ACTA2: variants seen among roughly 807,000 people sequenced by gnomAD.
ACTA2 encodes the protein actin alpha 2, smooth muscle.
Under a neutral mutation model 39.5 loss-of-function variants are expected in ACTA2, and 12 were observed. That is an observed-to-expected ratio of 0.30 (90% CI 0.19 to 0.49). The LOEUF (loss-of-function observed/expected upper bound fraction) is 0.49. Among genes scored for constraint, ACTA2 ranks in the 20% least tolerant of loss-of-function variants. The probability of loss-of-function intolerance (pLI) is 0.99; values close to 1 mark genes in which losing one functional copy is unlikely to be tolerated. For missense variants in ACTA2, 236 were observed against 498.8 expected (o/e 0.47, Z 5.02); for synonymous variants, 158 against 180.6 (o/e 0.88, Z 1.00).
chr10:88,981,771 T>C (rs1846719129), intron 1 of ACTA2, among the ~76,000 whole-genome samples: 1 of 152,184 alleles, frequency 6.6e-6, no homozygotes, highest in Admixed American at 6.5e-5. Context: ...TGTTTCAGTC[T>C]GTGCTCGTGG....
rs747320973 is a variant in ACTA2, at chr10:88,990,498, CT to C, written c.-24+440del. On this transcript the variant is annotated intron_variant, in intron 1 of 4. Transcript: ENST00000415557. The surrounding 1 kb of genome is among the most constrained non-coding windows in gnomAD (Gnocchi z 4.9). ...GGAATGCCCATTTGTGCAACGAACC[CT>C]GACTCCTTCCTCACCCTGACTTCTC... The C allele has an allele frequency of 3.5e-6, 2 of 576,802 alleles. No homozygotes were observed. The highest frequency in any genetic ancestry group is 6.6e-6 in the Non-Finnish European group (2 of 304,898). 35.7% of individuals were successfully genotyped at this position (576,802 alleles called of 1,614,324 possible). A position where few individuals can be genotyped will look rare whatever the true frequency, so the allele number is the denominator to read the frequency against.
At chr10:88,989,508 C>T (rs750180876) in intron 1 of ACTA2, 4 of 544,332 alleles carry the variant, frequency 7.3e-6, no homozygotes, top group Non-Finnish European at 1.5e-5. Flanking sequence ...CGCCCAGGGT[C>T]TTCCTCATGG....
At chr10:88,987,402 G>C (rs1271417609) in intron 1 of ACTA2, among the ~76,000 whole-genome samples, 1 of 152,122 alleles carries the variant, frequency 6.6e-6, no homozygotes, top group Non-Finnish European at 1.5e-5. Context: ...GGTGGTCCAG[G>C]GTTCAATTTC....
At chr10:88,939,793 T>A (rs1276572991) in intron 6 of ACTA2, 95 bp from the exon 7 acceptor site, 13 of 1,319,626 alleles carry the variant, frequency 9.9e-6, no homozygotes, top group African/African-American at 1.4e-5. Context: ...TCAAGACATG[T>A]GCCATCAAAA....
At chr10:88,940,940 T>G (rs1417258905) in intron 6 of ACTA2, 1 of 386,918 alleles carries the variant, frequency 2.6e-6, no homozygotes, top group African/African-American at 2.1e-5. Context: ...CTTCAGTCTC[T>G]GCACAATCTT....
chr10:88,939,655 A>G lies in ACTA2; in HGVS notation c.660T>C (p.Tyr220=), dbSNP rs1845812242. The change falls in exon 7 of 9, where the codon TAT becomes TAC. Residue 220 remains tyrosine, a synonymous_variant. Transcript: ENST00000224784. ...TCTCATTTTCAAAGTCCAGAGCTACATAACACAGTTTCTCCTTGATGTCCC... is the reference window on the plus strand; with the variant it reads ...TCTCATTTTCAAAGTCCAGAGCTACGTAACACAGTTTCTCCTTGATGTCCC... The part of the protein sequence containing the change: ...IVRDIKEKLC[Y]VALDFENEMA... 6.2e-7 allele frequency: 1 copy of G among 1,614,072 alleles called. No homozygotes were observed.
At chr10:88,938,462 T>C (rs888039906) in intron 7 of ACTA2, 10 of 571,202 alleles carry the variant, frequency 1.8e-5, no homozygotes, top group South Asian at 9.8e-5. Flanking sequence ...CATCCTGAGG[T>C]GTGGGCTACA....
At chr10:88,975,318 C>T (rs1379447118) in intron 1 of ACTA2, among the ~76,000 whole-genome samples, 1 of 152,110 alleles carries the variant, frequency 6.6e-6, no homozygotes, top group Non-Finnish European at 1.5e-5. Flanking sequence ...TACAGAGCAG[C>T]GTGTGCATTT....
At chr10:88,943,644 T>C in intron 4 of ACTA2, 153 bp downstream of exon 4, 1 of 720,640 alleles carries the variant, frequency 1.4e-6, no homozygotes, top group Admixed American at 2.0e-5. Flanking sequence ...TTTCAAGCTG[T>C]TCCTGTCCTT....
chr10:88,956,292 A>C (rs1056874485), upstream of ACTA2, among the ~76,000 whole-genome samples: 1 of 152,174 alleles, frequency 6.6e-6, no homozygotes, highest in Admixed American at 6.5e-5. Flanking sequence ...TCCTTCTGGA[A>C]GCTCTTGTGG....
At chr10:88,988,331 A>G (rs1451223566) in intron 1 of ACTA2, among the ~76,000 whole-genome samples, 1 of 152,200 alleles carries the variant, frequency 6.6e-6, no homozygotes, top group Non-Finnish European at 1.5e-5. Context: ...GCAATTTAGT[A>G]AAAACAATTT....
In ACTA2 at chr10:88,941,307, G is replaced by C; in HGVS notation, c.538C>G (p.Leu180Val). The change falls in exon 6 of 9, where the codon CTG becomes GTG. Residue 180 changes from leucine (L) to valine (V), a missense_variant. Coordinates refer to ENST00000224784, the MANE Select transcript of ACTA2 (RefSeq NM_001613.4). The stretch of plus-strand genomic sequence containing the variant: ...GTGAGATCTCGGCCAGCCAGATCCA[G>C]ACGCATGATGGCATGGGGCAAGGCA... ...GYALPHAIMR[L>V]DLAGRDLTDY... 6.2e-7 allele frequency: 1 copy of C among 1,609,518 alleles called. No individual in the cohort carries two copies. The highest frequency in any genetic ancestry group is 8.5e-7 in the Non-Finnish European group (1 of 1,178,274).
intron 1 of ACTA2, chr10:88,974,239 G>C (rs530642182): frequency 6.7e-6 from 1 of 150,184 alleles, no homozygotes; most frequent in South Asian, 2.1e-4. Context: ...CATTTGGCTT[G>C]ACTCTTTGGT....
At chr10:88,976,188 A>C (rs1846558586) in intron 1 of ACTA2, among the ~76,000 whole-genome samples, 1 of 152,128 alleles carries the variant, frequency 6.6e-6, no homozygotes, top group South Asian at 2.1e-4. Context: ...ACTAACACTA[A>C]CTATAGCTGA....
At chr10:88,974,296 A>C (rs907758560) in intron 1 of ACTA2, 26 of 152,194 alleles carry the variant, frequency 1.7e-4, no homozygotes, top group African/African-American at 5.8e-4. Flanking sequence ...TGGTGAACCA[A>C]TGCCAAATAG....
At chr10:88,983,680 T>A (rs1187594202) in intron 1 of ACTA2, among the ~76,000 whole-genome samples, 2 of 144,052 alleles carry the variant, frequency 1.4e-5, no homozygotes, top group African/African-American at 5.2e-5. Context: ...GGACATTATA[T>A]AAGCATTAGA....
Position 88,948,756 on chromosome 10 carries a change from G to T in ACTA2, c.129+46C>A, listed in dbSNP as rs1311692863. On this transcript the variant is annotated intron_variant, in intron 2 of 8. Transcript: ENST00000224784. ...TCTGGGGATAAACATGAACACAGAG[G>T]AACCTAATCTGTGTCCTGTTATGTT... 5 of 1,611,912 alleles carry T rather than the reference G, an allele frequency of 3.1e-6. No individual in the cohort carries two copies. The African/African-American group carries it at 5.3e-5, about 17-fold the overall frequency.
chr10:88,938,357 A>T lies in ACTA2; in HGVS notation c.809-115T>A, dbSNP rs1845784797. 2.5e-6 allele frequency: 3 copies of T among 1,180,892 alleles called. No homozygotes were observed. The Admixed American group carries it at 5.2e-5, about 20-fold the overall frequency. The allele number at this position is 1,180,892 out of a possible 1,614,324, so 73.2% of individuals were successfully genotyped here. On this transcript the variant is annotated intron_variant, in intron 7 of 8. Coordinates refer to ENST00000224784, the MANE Select transcript of ACTA2 (RefSeq NM_001613.4). ...TGCAGTGGACTGAGGCTGGGAAGAC[A>T]TAATAATCTAGGAACCACCTGTCTG...
At chr10:88,968,792 T>G (rs1846368789) in intron 1 of ACTA2, among the ~76,000 whole-genome samples, 1 of 152,210 alleles carries the variant, frequency 6.6e-6, no homozygotes. Flanking sequence ...TCTTTTCTAG[T>G]ACCATAATGT....
Sources: allele counts gnomAD v4.1 joint callset (sites outside exome capture counted in the v4.1 genomes callset), GRCh38; gene constraint gnomAD v4.1.1; non-coding constraint Gnocchi (gnomAD v3.1); transcripts MANE v1.5; gene names NCBI Gene and HGNC (gene_info 2026-07-23, HGNC 2026-07-21).